TPCN2: variants seen among roughly 807,000 people sequenced by gnomAD.
TPCN2 encodes two pore segment channel 2.
TPCN2 carries 92 observed loss-of-function variants against 111.4 expected under a neutral mutation model. That is an observed-to-expected ratio of 0.83 (90% CI 0.70 to 0.98). The LOEUF (loss-of-function observed/expected upper bound fraction) is 0.98. Ranked by LOEUF, TPCN2 falls within the 50% of genes least tolerant of loss-of-function variation. The pLI, the probability that TPCN2 is intolerant of heterozygous loss-of-function variation, is 0.00. For synonymous variants in TPCN2, 405 were observed against 414.5 expected (o/e 0.98, Z 0.28); for missense variants, 995 against 980.1 (o/e 1.02, Z -0.20).
chr11:69,049,584 C>T (rs1286517413), intron 1 of TPCN2, among the ~76,000 whole-genome samples: 1 of 152,014 alleles, frequency 6.6e-6, no homozygotes, highest in Non-Finnish European at 1.5e-5. Flanking sequence ...GTCACACACC[C>T]AGTAAGTGGC....
At chr11:69,082,096 T>G (rs1005718720) in intron 18 of TPCN2, among the ~76,000 whole-genome samples, 2 of 152,166 alleles carry the variant, frequency 1.3e-5, no homozygotes, top group African/African-American at 4.8e-5. Flanking sequence ...CCGTTCATCC[T>G]TCCTCTGAGC....
chr11:69,084,099 C>T, intron 19 of TPCN2, 83 bp downstream of exon 19: 1 of 1,372,936 alleles, frequency 7.3e-7, no homozygotes, highest in Middle Eastern at 2.1e-4. Context: ...GCCGGGCCGG[C>T]TCACTGCTCT....
In TPCN2 at chr11:69,081,446, A is replaced by C. The variant is rs1856005598; in HGVS notation, c.1636A>C (p.Met546Leu). 1 of 1,574,372 alleles carries C rather than the reference A, an allele frequency of 6.4e-7. No individual in the cohort carries two copies. The highest frequency in any genetic ancestry group is 8.6e-7 in the Non-Finnish European group (1 of 1,159,868). ...GLLSLWDMTR[M>L]LNMLIVFRFL... ...GCTGTCGCTGTGGGACATGACCCGC[A>C]TGCTGAACATGCTCATCGTGTTCCG... The change falls in exon 18 of 25, where the codon ATG becomes CTG. Residue 546 changes from methionine (M) to leucine (L), a missense_variant. Met to Leu is a conservative substitution (Grantham distance 15). Coordinates refer to ENST00000294309, the MANE Select transcript of TPCN2 (RefSeq NM_139075.4).
intron 1 of TPCN2, among the ~76,000 whole-genome samples, chr11:69,050,939 C>T (rs1224878830): frequency 6.6e-6 from 1 of 152,242 alleles, no homozygotes; most frequent in African/African-American, 2.4e-5. Context: ...GTGGCCTCAG[C>T]CAGGGCTTCT....
intron 13 of TPCN2, among the ~76,000 whole-genome samples, chr11:69,076,489 T>C (rs554220594): frequency 6.5e-4 from 99 of 152,128 alleles, no homozygotes; most frequent in African/African-American, 2.3e-3. Flanking sequence ...CAGATGTGCT[T>C]AACACCACAC....
At chr11:69,051,129 C>T (rs115818100) in intron 1 of TPCN2, among the ~76,000 whole-genome samples, 371 of 152,366 alleles carry the variant, frequency 2.4e-3, no homozygotes, top group African/African-American at 8.2e-3. Flanking sequence ...TGGTTGGTCT[C>T]TTGCCAACGG....
chr11:69,065,953 G>T lies in TPCN2; in HGVS notation c.727-1550G>T, dbSNP rs185863235. ...CTGGGCAGGAGGTACGGGAAGTCAT[G>T]CCTAGGGTCTGGAGCTGAATTGTAG... On this transcript the variant is annotated intron_variant, in intron 7 of 24. Coordinates refer to ENST00000294309, the MANE Select transcript of TPCN2 (RefSeq NM_139075.4). Among the ~76,000 whole-genome samples, 535 of 152,248 alleles carry T rather than the reference G, an allele frequency of 3.5e-3. 2 individuals carry two copies. The highest frequency in any genetic ancestry group is 0.012 in the African/African-American group (507 of 41,550).
intron 8 of TPCN2, 125 bp downstream of exon 8, chr11:69,067,730 G>A: frequency 2.8e-6 from 2 of 708,456 alleles, no homozygotes; most frequent in Non-Finnish European, 4.6e-6. Flanking sequence ...AAGTGGAGAA[G>A]AAAGGGTGAC....
intron 8 of TPCN2, among the ~76,000 whole-genome samples, chr11:69,070,056 GCT>G (rs1052170315): frequency 2.1e-5 from 3 of 145,410 alleles, no homozygotes; most frequent in African/African-American, 7.7e-5. Flanking sequence ...ATGGTGCCAT[GCT>G]CTGTCACCCA....
intron 18 of TPCN2, among the ~76,000 whole-genome samples, chr11:69,082,347 C>T (rs1856050660): frequency 1.3e-5 from 2 of 152,256 alleles, no homozygotes; most frequent in African/African-American, 4.8e-5. Context: ...ATCACAGGCA[C>T]ACATGATCAT....
chr11:69,063,808 C>A, intron 6 of TPCN2, 87 bp from the exon 7 acceptor site: 1 of 1,301,740 alleles, frequency 7.7e-7, no homozygotes, highest in Non-Finnish European at 1.1e-6. Context: ...GACTCTTGGG[C>A]GCTCCTGTCA....
intron 1 of TPCN2, 99 bp downstream of exon 1, chr11:69,049,205 C>A (rs1454746483): frequency 3.7e-5 from 31 of 835,190 alleles, no homozygotes; most frequent in Non-Finnish European, 4.8e-5. Flanking sequence ...CGGGCGCGCC[C>A]CCACCAGGTT....
In TPCN2 at chr11:69,063,926, C is replaced by G. The variant is rs369133245; in HGVS notation, c.685C>G (p.Leu229Val). 6.2e-7 allele frequency: 1 copy of G among 1,614,038 alleles called. No individual in the cohort carries two copies. The highest frequency in any genetic ancestry group is 1.3e-5 in the African/African-American group (1 of 74,938). The change falls in exon 7 of 25, where the codon CTC becomes GTC. Residue 229 changes from leucine to valine, a missense_variant. By Grantham distance (32) the Leu-to-Val change is conservative. Transcript: ENST00000294309. ...VGLLLAIHLCLFTMFGMLLFA... is the reference protein window; with the variant it reads ...VGLLLAIHLCVFTMFGMLLFA... ...GCTGCTGCTGGCCATCCACCTGTGC[C>G]TCTTCACCATGTTCGGAATGCTGCT...
At chr11:69,056,368 G>A (rs1854765181) in intron 4 of TPCN2, among the ~76,000 whole-genome samples, 1 of 152,176 alleles carries the variant, frequency 6.6e-6, no homozygotes, top group Admixed American at 6.6e-5. Flanking sequence ...TTCTTCCTTT[G>A]TAGCTTATCA....
At chr11:69,075,951 C>G (rs931502040) in intron 13 of TPCN2, among the ~76,000 whole-genome samples, 4 of 152,244 alleles carry the variant, frequency 2.6e-5, no homozygotes, top group Middle Eastern at 3.2e-3. Context: ...ACACAGCTAA[C>G]ATATGAACAC....
chr11:69,083,898 C>T, intron 18 of TPCN2, 47 bp from the exon 19 acceptor site: 1 of 1,582,684 alleles, frequency 6.3e-7, no homozygotes, highest in South Asian at 1.1e-5. Context: ...GGTGTCCCCT[C>T]AGTGGGGCCA....
chr11:69,079,978 C>G (rs1024456691), intron 17 of TPCN2, 95 bp downstream of exon 17: 3 of 1,179,566 alleles, frequency 2.5e-6, no homozygotes, highest in Non-Finnish European at 3.7e-6. Flanking sequence ...GGGGCTGGGT[C>G]TGCTCTGACT....
At chr11:69,071,521 C>G (rs568697480) in intron 10 of TPCN2, 101 bp downstream of exon 10, 372 of 1,066,248 alleles carry the variant, frequency 3.5e-4, no homozygotes, top group Non-Finnish European at 4.3e-4. Context: ...TGGCCAGGCC[C>G]CTGGTGGGAC....
chr11:69,086,449 C>A lies in TPCN2; in HGVS notation c.2004-74C>A. 5.5e-6 allele frequency: 7 copies of A among 1,261,860 alleles called. No homozygotes were observed. The South Asian group carries it at 7.1e-5, about 13-fold the overall frequency. 78.2% of individuals were successfully genotyped at this position (1,261,860 alleles called of 1,614,324 possible). A position where few individuals can be genotyped will look rare whatever the true frequency, so the allele number is the denominator to read the frequency against. ...CTGCCCGAGAGCTGTCCTGGCCACGCAGCAGTGGTGTTTGTATCGAGTGCT... is the reference window on the plus strand; with the variant it reads ...CTGCCCGAGAGCTGTCCTGGCCACGAAGCAGTGGTGTTTGTATCGAGTGCT... On this transcript the variant is annotated intron_variant, in intron 22 of 24. Coordinates refer to ENST00000294309, the MANE Select transcript of TPCN2 (RefSeq NM_139075.4).
Sources: gnomAD v4.1 joint callset for allele counts (sites outside exome capture counted in the v4.1 genomes callset) on GRCh38, gnomAD v4.1.1 for gene constraint, MANE v1.5 for transcripts, NCBI Gene and HGNC (gene_info 2026-07-23, HGNC 2026-07-21) for gene names.